KREMEN2: variants seen among roughly 807,000 people sequenced by gnomAD.
The protein encoded by KREMEN2 is kringle containing transmembrane protein 2, also known as kremen protein 2.
A neutral mutation model predicts 49.8 loss-of-function variants in KREMEN2; 43 were observed. That is an observed-to-expected ratio of 0.86 (90% CI 0.68 to 1.11). The LOEUF (loss-of-function observed/expected upper bound fraction) is 1.11, where lower values mean the gene tolerates loss of function less well. Among genes scored for constraint, KREMEN2 ranks in the 50% most tolerant of loss-of-function variants. The pLI is 0.00. For synonymous variants in KREMEN2, 355 were observed against 304.9 expected, an observed-to-expected ratio of 1.16 and a Z score of -1.71; for missense variants, 686 against 665.7, an observed-to-expected ratio of 1.03 and a Z score of -0.34.
At position 2,966,881 on chromosome 16, in the gene KREMEN2, A is replaced by G. The variant is rs761444060; in HGVS notation, c.641-29A>G. 1.3e-6 allele frequency: 2 copies of G among 1,556,806 alleles called. 1 individual carries two copies. Among genetic ancestry groups the G allele is most frequent in the South Asian group, 2.4e-5 (2 of 84,740 alleles). On this transcript the variant is annotated intron_variant, in intron 5 of 8. Transcript: ENST00000303746. The surrounding 1 kb of genome is among the most constrained non-coding windows in gnomAD (Gnocchi z 8.4). Reference sequence around the variant, plus strand: ...GGGGAGCCGCCGTGTCCTGGTCCTCAGGATGCTGACTGCCGGCCCCGCCCG... The same window carrying G: ...GGGGAGCCGCCGTGTCCTGGTCCTCGGGATGCTGACTGCCGGCCCCGCCCG...
In KREMEN2 at chr16:2,966,616, T is replaced by C; in HGVS notation, c.487-26T>C. On this transcript the variant is annotated intron_variant, in intron 4 of 8. Coordinates refer to ENST00000303746, the MANE Select transcript of KREMEN2 (RefSeq NM_172229.3). This position sits in a 1 kb window ranked among gnomAD's most constrained non-coding sequence, Gnocchi z 8.4. ...TTCACCCCTACCCCAGCCCCTGCCCTGGGGTCACCCAGTCTGTGCTCCCAG... is the reference window on the plus strand; with the variant it reads ...TTCACCCCTACCCCAGCCCCTGCCCCGGGGTCACCCAGTCTGTGCTCCCAG... 1 of 1,603,650 alleles carries C rather than the reference T, an allele frequency of 6.2e-7. No homozygotes were observed.
At chr16:2,964,762 G>A (rs1302556701) in intron 1 of KREMEN2, 97 bp from the exon 2 acceptor site, 1 of 1,470,922 alleles carries the variant, frequency 6.8e-7, no homozygotes, top group African/African-American at 1.4e-5. Flanking sequence ...GGCGGGTGCG[G>A]GGTCGCTGGC....
intron 2 of KREMEN2, among the ~76,000 whole-genome samples, chr16:2,965,544 C>A (rs1484013067): frequency 1.3e-5 from 2 of 152,078 alleles, no homozygotes; most frequent in African/African-American, 2.4e-5. Context: ...CCAAGGCAGG[C>A]GGATCATCTG....
chr16:2,968,353 G>T lies in KREMEN2; in HGVS notation c.*333G>T, dbSNP rs1475093832. On this transcript the variant is annotated 3_prime_UTR_variant, in exon 9 of 9. Coordinates refer to ENST00000303746, the MANE Select transcript of KREMEN2 (RefSeq NM_172229.3). ...CAAAAACAGTCAAAAAACCCCCACA[G>T]ATTTTGAATAAAGGATCTACTTTGG... 2 of 1,535,396 alleles carry T rather than the reference G, an allele frequency of 1.3e-6. No individual in the cohort carries two copies. Among genetic ancestry groups the T allele is most frequent in the African/African-American group, 2.7e-5 (2 of 73,182 alleles).
chr16:2,964,701 G>A (rs1404650533), intron 1 of KREMEN2, 87 bp downstream of exon 1: 3 of 1,406,356 alleles, frequency 2.1e-6, no homozygotes, highest in Admixed American at 4.4e-5. Flanking sequence ...GCTAGGGAGG[G>A]GGACAGAGCA....
Position 2,964,606 on chromosome 16 carries a change from A to C in KREMEN2, c.86A>C (p.His29Pro). Residue 29 changes from histidine (H) to proline (P), a missense_variant, in exon 1 of 9, where the codon CAC becomes CCC. By Grantham distance (77) the His-to-Pro change is moderately conservative. Coordinates refer to ENST00000303746, the MANE Select transcript of KREMEN2 (RefSeq NM_172229.3). Reference protein sequence around the residue: ...QPRGASAGSLHSPGLSECFQV... With the variant: ...QPRGASAGSLPSPGLSECFQV... The stretch of plus-strand genomic sequence containing the variant: ...CGTGGGGCCTCGGCTGGGAGCCTGC[A>C]CAGTCCAGGTAAGTCCCCGCACGGC... The C allele has an allele frequency of 6.2e-7, 1 of 1,604,364 alleles. No individual in the cohort carries two copies. The highest frequency in any genetic ancestry group is 1.1e-5 in the South Asian group (1 of 90,074).
chr16:2,964,364 G>C lies in KREMEN2; in HGVS notation c.-157G>C, dbSNP rs2071775759. ...CTGGGAGGCAAAGACCCCCAGGAGA[G>C]ATTTACCCACCCCAGACGGAAAGCG... On this transcript the variant is annotated 5_prime_UTR_variant, in exon 1 of 9. Coordinates refer to ENST00000303746, the MANE Select transcript of KREMEN2 (RefSeq NM_172229.3). The C allele has an allele frequency of 3.5e-6, 2 of 564,586 alleles. No homozygotes were observed. Among genetic ancestry groups the C allele is most frequent in the East Asian group, 6.3e-5 (2 of 31,516 alleles). The allele number at this position is 564,586 out of a possible 1,614,324, so 35.0% of individuals were successfully genotyped here.
chr16:2,965,015 G>A lies in KREMEN2; in HGVS notation c.251G>A (p.Gly84Asp). ...ASDPHGRWGL[G>D]AHNFCRNPDG... ...GACCCCCACGGCCGCTGGGGGCTGG[G>A]CGCGCACAACTTCTGCCGGTGAGGG... Residue 84 changes from glycine to aspartate, a missense_variant, in exon 2 of 9, where the codon GGC (glycine) becomes GAC (aspartate). Physicochemically the swap from Gly to Asp is moderately conservative, Grantham distance 94. Transcript: ENST00000303746. The A allele has an allele frequency of 6.5e-7, 1 of 1,550,058 alleles. No homozygotes were observed. Among genetic ancestry groups the A allele is most frequent in the Non-Finnish European group, 8.7e-7 (1 of 1,149,896 alleles).
At position 2,967,831 on chromosome 16, in the gene KREMEN2, A is replaced by G; in HGVS notation, c.1200A>G (p.Gly400=). The G allele has an allele frequency of 1.3e-6, 2 of 1,550,440 alleles. No individual in the cohort carries two copies. Among genetic ancestry groups the G allele is most frequent in the Non-Finnish European group, 1.7e-6 (2 of 1,147,232 alleles). Residue 400 remains glycine, a synonymous_variant, in exon 9 of 9, where the codon GGA becomes GGG. Coordinates refer to ENST00000303746, the MANE Select transcript of KREMEN2 (RefSeq NM_172229.3). ...LRRRSCLLAP[G]KGPPALGASR... ...CTAGGAGCTGTCTGCTGGCTCCGGGAAAAGGGCCCCCGGCGCTGGGGGCTT... is the reference window on the plus strand; with the variant it reads ...CTAGGAGCTGTCTGCTGGCTCCGGGGAAAGGGCCCCCGGCGCTGGGGGCTT...
chr16:2,967,923 C>T lies in KREMEN2; in HGVS notation c.1292C>T (p.Ser431Phe), dbSNP rs2071871858. ...QQPRGVALPC[S>F]PGDPQAEGSA... ...CCCCGAGGGGTGGCCTTGCCCTGCT[C>T]CCCCGGGGACCCCCAGGCTGAGGGT... Residue 431 changes from serine (S) to phenylalanine (F), a missense_variant, in exon 9 of 9, where the codon TCC becomes TTC. Physicochemically the swap from Ser to Phe is radical, Grantham distance 155. Transcript: ENST00000303746. 3 of 1,574,414 alleles carry T rather than the reference C, an allele frequency of 1.9e-6. No homozygotes were observed. The highest frequency in any genetic ancestry group is 1.8e-5 in the Admixed American group (1 of 54,390).
At chr16:2,965,314 G>C (rs1049344274) in intron 2 of KREMEN2, among the ~76,000 whole-genome samples, 1 of 152,214 alleles carries the variant, frequency 6.6e-6, no homozygotes, top group Non-Finnish European at 1.5e-5. Flanking sequence ...GACCCGTATG[G>C]GCGGGGCCTG....
chr16:2,967,477 A>G, intron 7 of KREMEN2, 32 bp downstream of exon 7: 2 of 1,477,588 alleles, frequency 1.4e-6, no homozygotes, highest in African/African-American at 1.5e-5. Context: ...GGAGTGAGTC[A>G]GGGAGCCGCC....
chr16:2,965,442 G>C (rs180766379), intron 2 of KREMEN2, among the ~76,000 whole-genome samples: 1 of 152,156 alleles, frequency 6.6e-6, no homozygotes, highest in African/African-American at 2.4e-5. Context: ...AGCGGGAGGA[G>C]AGCCGCAAAG....
rs376145921 is a variant in KREMEN2 at position 2,966,932 on chromosome 16, G to T, written c.663G>T (p.Gly221=). The T allele has an allele frequency of 1.9e-6, 3 of 1,553,152 alleles. No homozygotes were observed. Among genetic ancestry groups the T allele is most frequent in the Admixed American group, 2.0e-5 (1 of 50,404 alleles). Reference sequence around the variant, plus strand: ...CAGTGTCGGTGGGCTCCTGCCAGGGGAACTGGACAGCGCCTCAGGGCGTCA... The same window carrying T: ...CAGTGTCGGTGGGCTCCTGCCAGGGTAACTGGACAGCGCCTCAGGGCGTCA... ...VYEVSVGSCQ[G]NWTAPQGVIY... The change falls in exon 6 of 9, where the codon GGG becomes GGT. Residue 221 remains glycine (G), a synonymous_variant. Transcript: ENST00000303746. The surrounding 1 kb of genome is among the most constrained non-coding windows in gnomAD (Gnocchi z 8.4).
rs73482256 is a variant in KREMEN2 at position 2,966,318 on chromosome 16, C to T, written c.362-7C>T. 3.2e-5 allele frequency: 51 copies of T among 1,612,562 alleles called. 1 individual carries two copies. Among genetic ancestry groups the T allele is most frequent in the Non-Finnish European group, 4.2e-5 (49 of 1,179,972 alleles). On this transcript the variant is annotated splice_polypyrimidine_tract_variant and splice_region_variant and intron_variant, in intron 3 of 8. Transcript: ENST00000303746. The surrounding 1 kb of genome is among the most constrained non-coding windows in gnomAD (Gnocchi z 8.4). ...GGAGTCACGGAAGTCTGACTCTGCC[C>T]CCTCAGTGCCAGGCTACCTGGGATG...
At position 2,966,687 on chromosome 16, in the gene KREMEN2, A is replaced by G. The variant is rs2071827006; in HGVS notation, c.532A>G (p.Ser178Gly). ...AGYACFCGSE[S>G]DLARGRLAPA... The stretch of plus-strand genomic sequence containing the variant: ...TTACGCCTGCTTCTGTGGCTCTGAA[A>G]GCGACCTGGCCCGGGGACGCCTGGC... Residue 178 changes from serine to glycine, a missense_variant, in exon 5 of 9, where the codon AGC becomes GGC. Transcript: ENST00000303746. The surrounding 1 kb of genome is among the most constrained non-coding windows in gnomAD (Gnocchi z 8.4). 1 of 1,611,432 alleles carries G rather than the reference A, an allele frequency of 6.2e-7. No individual in the cohort carries two copies. Among genetic ancestry groups the G allele is most frequent in the East Asian group, 2.2e-5 (1 of 44,862 alleles).
At position 2,967,068 on chromosome 16, in the gene KREMEN2, G is replaced by T; in HGVS notation, c.799G>T (p.Asp267Tyr). ...CACCTTCCGCCTCTTCGAGCTGGCC[G>T]ACCCGCGCGACCGGCTGGAGCTGCG... ...ELTFRLFELA[D>Y]PRDRLELRDA... The change falls in exon 6 of 9, where the codon GAC becomes TAC. Residue 267 changes from aspartate (D) to tyrosine (Y), a missense_variant. Physicochemically the swap from Asp to Tyr is radical, Grantham distance 160. Transcript: ENST00000303746. 6.6e-7 allele frequency: 1 copy of T among 1,526,476 alleles called. No homozygotes were observed. The highest frequency in any genetic ancestry group is 1.2e-5 in the South Asian group (1 of 82,690). The allele number at this position is 1,526,476 out of a possible 1,614,324, so 94.6% of individuals were successfully genotyped here.
At chr16:2,965,483 G>T (rs1040403927) in intron 2 of KREMEN2, among the ~76,000 whole-genome samples, 6 of 152,194 alleles carry the variant, frequency 3.9e-5, no homozygotes, top group Non-Finnish European at 8.8e-5. Context: ...TTTAAGTGGG[G>T]TTGGAGGCCA....
At position 2,966,539 on chromosome 16, in the gene KREMEN2, C is replaced by G. The variant is rs2071823013; in HGVS notation, c.486+90C>G. 1.9e-6 allele frequency: 3 copies of G among 1,581,604 alleles called. No individual in the cohort carries two copies. The highest frequency in any genetic ancestry group is 2.3e-4 in the Middle Eastern group (1 of 4,428). On this transcript the variant is annotated intron_variant, in intron 4 of 8. Coordinates refer to ENST00000303746, the MANE Select transcript of KREMEN2 (RefSeq NM_172229.3). This position sits in a 1 kb window ranked among gnomAD's most constrained non-coding sequence, Gnocchi z 8.4. The stretch of plus-strand genomic sequence containing the variant: ...ACACTCGGTTGCCAAACCCAGACAC[C>G]GGTTTCTGAACCTCCAGCCCGATTC...
Sources: allele counts gnomAD v4.1 joint callset (sites outside exome capture counted in the v4.1 genomes callset), GRCh38; gene constraint gnomAD v4.1.1; non-coding constraint Gnocchi (gnomAD v3.1); transcripts MANE v1.5; gene names NCBI Gene and HGNC (gene_info 2026-07-23, HGNC 2026-07-21).